NCALD: variants seen among roughly 807,000 people sequenced by gnomAD.
NCALD encodes the protein neurocalcin delta.
In NCALD, 10 loss-of-function variants were observed where a neutral mutation model predicts 18.6. That is an observed-to-expected ratio of 0.54 (90% CI 0.33 to 0.91). NCALD has a LOEUF of 0.91. Among genes scored for constraint, NCALD ranks in the 40% least tolerant of loss-of-function variants. The probability of loss-of-function intolerance (pLI) is 0.03; values close to 1 mark genes in which losing one functional copy is unlikely to be tolerated. For synonymous variants in NCALD, 88 were observed against 87.4 expected (o/e 1.01, Z -0.04); for missense variants, 184 against 247.6 (o/e 0.74, Z 1.72).
At chr8:101,869,423 A>C (rs930276348) in intron 4 of NCALD, among the ~76,000 whole-genome samples, 2 of 152,222 alleles carry the variant, frequency 1.3e-5, no homozygotes. Context: ...TTCTCCCCAT[A>C]GGGCATCCAG....
intron 1 of NCALD, among the ~76,000 whole-genome samples, chr8:101,767,842 C>A (rs1485619481): frequency 6.6e-6 from 1 of 152,200 alleles, no homozygotes; most frequent in Non-Finnish European, 1.5e-5. Context: ...TTTCTCTGCC[C>A]TGCTTGTGGC....
At chr8:101,848,757 A>G (rs1563824393) in intron 4 of NCALD, among the ~76,000 whole-genome samples, 1 of 152,218 alleles carries the variant, frequency 6.6e-6, no homozygotes, top group Non-Finnish European at 1.5e-5. Context: ...AGTGAAAGGT[A>G]AAATTCAGCC....
chr8:102,035,703 A>G (rs1176549523), intron 1 of NCALD, among the ~76,000 whole-genome samples: 1 of 152,156 alleles, frequency 6.6e-6, no homozygotes, highest in African/African-American at 2.4e-5. Flanking sequence ...AATGAACCAA[A>G]AGATTCTCTC....
chr8:101,804,564 T>G (rs1262997404), intron 4 of NCALD, among the ~76,000 whole-genome samples: 2 of 121,684 alleles, frequency 1.6e-5, no homozygotes, highest in Non-Finnish European at 3.3e-5. Context: ...TTATATAATA[T>G]ATAATTAATA....
At chr8:101,820,213 T>C (rs1250941558) in intron 4 of NCALD, among the ~76,000 whole-genome samples, 2 of 152,204 alleles carry the variant, frequency 1.3e-5, no homozygotes, top group Non-Finnish European at 2.9e-5. Flanking sequence ...TTGCCTTTAA[T>C]AAAAATATAG....
intron 1 of NCALD, among the ~76,000 whole-genome samples, chr8:102,087,631 G>A (rs1262002457): frequency 6.6e-6 from 1 of 152,192 alleles, no homozygotes; most frequent in African/African-American, 2.4e-5. Context: ...GACCGGGTTT[G>A]GCACTATGGG....
At chr8:101,868,058 A>C (rs1298892725) in intron 4 of NCALD, among the ~76,000 whole-genome samples, 1 of 152,106 alleles carries the variant, frequency 6.6e-6, no homozygotes, top group Non-Finnish European at 1.5e-5. Flanking sequence ...TTTCCCTGGC[A>C]CTGTATTTCT....
rs564301321 is a variant in NCALD, at chr8:102,033,109, T to A, written c.-209-12820A>T. 3.1e-3 allele frequency among the ~76,000 whole-genome samples: 471 copies of A among 152,248 alleles called. 1 individual carries two copies. The highest frequency in any genetic ancestry group is 0.01 in the African/African-American group (427 of 41,554). On this transcript the variant is annotated intron_variant, in intron 1 of 6. Coordinates refer to the NCALD transcript ENST00000311028. ...TACCACCGATAACATACTTAGAAAA[T>A]GCCTTATTTACCATTGTGGCACCCC...
chr8:101,884,468 T>G (rs893493060), intron 4 of NCALD, among the ~76,000 whole-genome samples: 8 of 152,202 alleles, frequency 5.3e-5, no homozygotes, highest in Non-Finnish European at 1.2e-4. Flanking sequence ...GAATTATGCT[T>G]CTAGAAACAT....
intron 4 of NCALD, among the ~76,000 whole-genome samples, chr8:101,858,749 C>T (rs1473058064): frequency 6.6e-6 from 1 of 152,050 alleles, no homozygotes; most frequent in Non-Finnish European, 1.5e-5. Context: ...GATGATAGCC[C>T]CACGGAGAAT....
At chr8:102,084,940 T>G (rs1310657312) in intron 1 of NCALD, among the ~76,000 whole-genome samples, 1 of 152,226 alleles carries the variant, frequency 6.6e-6, no homozygotes, top group East Asian at 1.9e-4. Context: ...ATAGAAGTTC[T>G]GGGAAAATGA....
At chr8:102,073,642 C>T (rs1437515020) in intron 1 of NCALD, among the ~76,000 whole-genome samples, 1 of 151,990 alleles carries the variant, frequency 6.6e-6, no homozygotes, top group African/African-American at 2.4e-5. Flanking sequence ...AAGCAGTCCA[C>T]AGGGTATCAC....
chr8:101,802,946 T>C (rs1812926082), intron 4 of NCALD, among the ~76,000 whole-genome samples: 1 of 147,626 alleles, frequency 6.8e-6, no homozygotes, highest in South Asian at 2.2e-4. Context: ...CAAGTGCTGA[T>C]GGAGAAGCTG....
At chr8:101,820,480 CCAAA>C (rs1192725248) in intron 4 of NCALD, among the ~76,000 whole-genome samples, 2 of 151,986 alleles carry the variant, frequency 1.3e-5, no homozygotes, top group Admixed American at 1.3e-4. Flanking sequence ...GAAAGACTCC[CCAAA>C]CAGACAGAGT....
At chr8:102,107,701 A>G (rs1825518341) in intron 1 of NCALD, among the ~76,000 whole-genome samples, 1 of 152,198 alleles carries the variant, frequency 6.6e-6, no homozygotes, top group African/African-American at 2.4e-5. Flanking sequence ...CAGAATTTAG[A>G]ATGTATTCTC....
At chr8:101,971,095 A>T (rs1219238650) in intron 2 of NCALD, among the ~76,000 whole-genome samples, 1 of 152,176 alleles carries the variant, frequency 6.6e-6, no homozygotes, top group Non-Finnish European at 1.5e-5. Flanking sequence ...AGCCAAAAAA[A>T]TGCTGGAACC....
intron 2 of NCALD, among the ~76,000 whole-genome samples, chr8:101,934,226 T>C (rs1457456556): frequency 6.6e-6 from 1 of 152,148 alleles, no homozygotes; most frequent in Non-Finnish European, 1.5e-5. Context: ...ATGACAATGG[T>C]GTCAACCAGT....
At chr8:101,806,785 A>T (rs925601054) in intron 4 of NCALD, among the ~76,000 whole-genome samples, 2 of 152,248 alleles carry the variant, frequency 1.3e-5, no homozygotes, top group Non-Finnish European at 2.9e-5. Context: ...AAATAAAAGC[A>T]TTAATGTACA....
At chr8:101,846,128 A>G (rs1487484326) in intron 4 of NCALD, among the ~76,000 whole-genome samples, 1 of 152,232 alleles carries the variant, frequency 6.6e-6, no homozygotes, top group African/African-American at 2.4e-5. Context: ...CAGTGCAGCA[A>G]CAAACATGGG....
Sources: gnomAD v4.1 joint callset for allele counts (sites outside exome capture counted in the v4.1 genomes callset) on GRCh38, gnomAD v4.1.1 for gene constraint, MANE v1.5 for transcripts, NCBI Gene and HGNC (gene_info 2026-07-23, HGNC 2026-07-21) for gene names.